RBFOX1: variants seen among roughly 807,000 people sequenced by gnomAD.
RBFOX1 encodes the protein RNA binding fox-1 homolog 1.
Under a neutral mutation model 57.7 loss-of-function variants are expected in RBFOX1, and 8 were observed. That is an observed-to-expected ratio of 0.14 (90% CI 0.08 to 0.25). RBFOX1 has a LOEUF of 0.25. RBFOX1 is among the 10% of genes least tolerant of loss of function. RBFOX1 has a pLI of 1.00. For synonymous variants in RBFOX1, 326 were observed against 222.4 expected (o/e 1.47, Z -4.15); for missense variants, 611 against 548.5 (o/e 1.11, Z -1.14).
intron 2 of RBFOX1, among the ~76,000 whole-genome samples, chr16:6,403,456 G>A (rs766819560): frequency 1.6e-4 from 24 of 152,044 alleles, no homozygotes; most frequent in East Asian, 1.2e-3. Context: ...CTGGACCACC[G>A]GAGCTCAGGT....
intron 3 of RBFOX1, among the ~76,000 whole-genome samples, chr16:6,766,700 C>G (rs1243215069): frequency 6.6e-6 from 1 of 152,016 alleles, no homozygotes; most frequent in Non-Finnish European, 1.5e-5. Flanking sequence ...TTGGACAACA[C>G]AACTCTAGAG....
At chr16:6,888,884 A>G (rs757083161) in intron 3 of RBFOX1, among the ~76,000 whole-genome samples, 37 of 152,194 alleles carry the variant, frequency 2.4e-4, no homozygotes, top group Admixed American at 4.6e-4. Flanking sequence ...TCCCCAAAAA[A>G]GAATTATTTT....
intron 1 of RBFOX1, among the ~76,000 whole-genome samples, chr16:5,427,722 T>C (rs2067605448): frequency 6.6e-6 from 1 of 152,190 alleles, no homozygotes; most frequent in Non-Finnish European, 1.5e-5. Flanking sequence ...AATTTCCTCT[T>C]GCTCCCGAGA....
At chr16:7,632,805 A>G (rs948534476) in intron 11 of RBFOX1, among the ~76,000 whole-genome samples, 2 of 152,236 alleles carry the variant, frequency 1.3e-5, no homozygotes, top group African/African-American at 4.8e-5. Flanking sequence ...AATTAGCCAT[A>G]TAGGGGCTAA....
At position 7,648,538 on chromosome 16, in the gene RBFOX1, A is replaced by G. The variant is rs146461372; in HGVS notation, c.758-5277A>G. Reference sequence around the variant, plus strand: ...GTGCCTGACCAGGAAAATTCTTCTAATAAAGATGGGAAGAAACACAGAAGG... The same window carrying G: ...GTGCCTGACCAGGAAAATTCTTCTAGTAAAGATGGGAAGAAACACAGAAGG... On this transcript the variant is annotated intron_variant, in intron 11 of 15. Transcript: ENST00000550418. Among the ~76,000 whole-genome samples, 23 of 152,308 alleles carry G rather than the reference A, an allele frequency of 1.5e-4. 1 individual carries two copies. The highest frequency in any genetic ancestry group is 3.8e-4 in the African/African-American group (16 of 41,564).
chr16:6,151,185 A>G (rs943878933), intron 1 of RBFOX1, among the ~76,000 whole-genome samples: 3 of 152,152 alleles, frequency 2.0e-5, no homozygotes, highest in African/African-American at 7.2e-5. Context: ...GAGGAGGTGG[A>G]CATCTATTTG....
chr16:7,060,639 G>A (rs1306274187), intron 4 of RBFOX1, among the ~76,000 whole-genome samples: 1 of 152,112 alleles, frequency 6.6e-6, no homozygotes, highest in Non-Finnish European at 1.5e-5. Context: ...AACCCCATCT[G>A]TCTATAATGG....
At chr16:7,222,814 A>G (rs1319042411) in intron 4 of RBFOX1, among the ~76,000 whole-genome samples, 1 of 152,184 alleles carries the variant, frequency 6.6e-6, no homozygotes. Context: ...TCTTCTGGGT[A>G]CTCATCATGA....
chr16:6,805,359 A>C (rs7498263), intron 3 of RBFOX1, among the ~76,000 whole-genome samples: 4,443 of 152,256 alleles, frequency 0.029, 215 homozygotes, highest in South Asian at 0.15. Flanking sequence ...GGACACACAG[A>C]GGGGAACAGC....
At chr16:6,761,621 C>T (rs1033233596) in intron 3 of RBFOX1, among the ~76,000 whole-genome samples, 1 of 147,590 alleles carries the variant, frequency 6.8e-6, no homozygotes, top group Non-Finnish European at 1.5e-5. Context: ...AGTTCTCTGC[C>T]TCAGCCTCCC....
intron 2 of RBFOX1, among the ~76,000 whole-genome samples, chr16:5,508,068 C>T (rs371603129): frequency 1.5e-4 from 23 of 152,308 alleles, no homozygotes; most frequent in East Asian, 1.3e-3. Flanking sequence ...GGACAGTCCC[C>T]GGCCCCTCTG....
chr16:5,923,941 C>G (rs1030066695), intron 4 of RBFOX1, among the ~76,000 whole-genome samples: 5 of 152,138 alleles, frequency 3.3e-5, no homozygotes, highest in African/African-American at 1.2e-4. Flanking sequence ...TGTCTCCACA[C>G]AAAATCTCAT....
intron 2 of RBFOX1, among the ~76,000 whole-genome samples, chr16:5,592,966 C>G (rs951708552): frequency 1.3e-5 from 2 of 152,160 alleles, no homozygotes; most frequent in Admixed American, 6.5e-5. Context: ...GAGACTGAGA[C>G]CTACTGAGCT....
intron 4 of RBFOX1, among the ~76,000 whole-genome samples, chr16:6,011,853 A>C (rs182669572): frequency 6.6e-6 from 1 of 152,160 alleles, no homozygotes; most frequent in African/African-American, 2.4e-5. Flanking sequence ...GACAGTGGTG[A>C]TCTTGTCATC....
At chr16:7,168,225 C>G (rs984278553) in intron 4 of RBFOX1, among the ~76,000 whole-genome samples, 2 of 152,104 alleles carry the variant, frequency 1.3e-5, no homozygotes, top group Non-Finnish European at 2.9e-5. Context: ...ATGTGGTTCC[C>G]CTAGCAAGCT....
At chr16:7,676,199 C>G (rs559818854) in intron 13 of RBFOX1, among the ~76,000 whole-genome samples, 1 of 152,138 alleles carries the variant, frequency 6.6e-6, no homozygotes, top group South Asian at 2.1e-4. Context: ...AATGTTCAGT[C>G]ATTTTTGTAA....
chr16:7,233,609 A>G (rs1311385652), intron 4 of RBFOX1, among the ~76,000 whole-genome samples: 1 of 152,192 alleles, frequency 6.6e-6, no homozygotes. Context: ...GAATACATGT[A>G]TAGTTTGCAT....
At chr16:5,916,015 A>T (rs949421386) in intron 4 of RBFOX1, among the ~76,000 whole-genome samples, 3 of 152,150 alleles carry the variant, frequency 2.0e-5, no homozygotes, top group African/African-American at 7.2e-5. Context: ...TCCAGCCTTC[A>T]CAGCAGCTAG....
intron 14 of RBFOX1, among the ~76,000 whole-genome samples, chr16:7,704,047 G>C (rs146494910): frequency 3.9e-5 from 6 of 152,146 alleles, no homozygotes; most frequent in African/African-American, 1.4e-4. Flanking sequence ...CCTTGAGTTA[G>C]GTAGGGCTCA....
Sources: gnomAD v4.1 joint callset for allele counts (sites outside exome capture counted in the v4.1 genomes callset) on GRCh38, gnomAD v4.1.1 for gene constraint, MANE v1.5 for transcripts, NCBI Gene and HGNC (gene_info 2026-07-23, HGNC 2026-07-21) for gene names.